Variants in ATP13A1 observed in about 807,000 individuals in gnomAD.
The protein encoded by ATP13A1 is ATPase 13A1.
Under a neutral mutation model 134.8 loss-of-function variants are expected in ATP13A1, and 55 were observed. That is an observed-to-expected ratio of 0.41 (90% CI 0.33 to 0.51). The LOEUF (loss-of-function observed/expected upper bound fraction) is 0.51. Among genes scored for constraint, ATP13A1 ranks in the 20% least tolerant of loss-of-function variants. The probability of loss-of-function intolerance (pLI) is 0.29; values close to 1 mark genes in which losing one functional copy is unlikely to be tolerated. For missense variants in ATP13A1, 1,389 were observed against 1,652.8 expected (o/e 0.84, Z 2.77); for synonymous variants, 775 against 725.1 (o/e 1.07, Z -1.10).
intron 15 of ATP13A1, 47 bp from the exon 16 acceptor site, chr19:19,652,767 C>T: frequency 6.4e-7 from 1 of 1,562,846 alleles, no homozygotes; most frequent in Non-Finnish European, 8.6e-7. Flanking sequence ...TCCCTCTGCC[C>T]ACACTCTGCA....
In ATP13A1 at chr19:19,645,281, G is replaced by A. The variant is rs2061976899; in HGVS notation, c.*141C>T. The A allele has an allele frequency of 1.6e-5, 15 of 922,658 alleles. No homozygotes were observed. The South Asian group carries it at 2.4e-4, about 15-fold the overall frequency. The allele number at this position is 922,658 out of a possible 1,614,324, so 57.2% of individuals were successfully genotyped here. A position where few individuals can be genotyped will look rare whatever the true frequency, so the allele number is the denominator to read the frequency against. On this transcript the variant is annotated 3_prime_UTR_variant, in exon 26 of 26. Transcript: ENST00000357324. This position sits in a 1 kb window ranked among gnomAD's most constrained non-coding sequence, Gnocchi z 4.1. ...GCTGGCCAAGCCAGCGGATGGCTGTGGGGGTCCCAGCTCAGTCTTCCAAGG... is the reference window on the plus strand; with the variant it reads ...GCTGGCCAAGCCAGCGGATGGCTGTAGGGGTCCCAGCTCAGTCTTCCAAGG...
At chr19:19,654,838 G>T in intron 12 of ATP13A1, 138 bp from the exon 13 acceptor site, 1 of 1,078,116 alleles carries the variant, frequency 9.3e-7, no homozygotes, top group Non-Finnish European at 1.3e-6. Context: ...GGGTCTTTAT[G>T]AGACCTGCAC....
At chr19:19,659,875 G>A (rs545050441) in intron 2 of ATP13A1, 23 bp downstream of exon 2, 1 of 1,588,540 alleles carries the variant, frequency 6.3e-7, no homozygotes, top group East Asian at 2.3e-5. Context: ...CCCTCCTCCA[G>A]GAGCCCAGCA....
Position 19,656,823 on chromosome 19 carries a change from G to C in ATP13A1, c.976+24C>G, listed in dbSNP as rs769637132. The stretch of plus-strand genomic sequence containing the variant: ...GGCCCTGAGGCTGGGGCTCCCACTG[G>C]GACTGAGCGGAACCCGGCCTCACCG... On this transcript the variant is annotated intron_variant, in intron 6 of 25. Coordinates refer to ENST00000357324, the MANE Select transcript of ATP13A1 (RefSeq NM_020410.3). The surrounding 1 kb of genome is among the most constrained non-coding windows in gnomAD (Gnocchi z 4.6). 3.0e-5 allele frequency: 49 copies of C among 1,612,102 alleles called. No individual in the cohort carries two copies. Among genetic ancestry groups the C allele is most frequent in the Non-Finnish European group, 4.2e-5 (49 of 1,179,298 alleles).
At position 19,663,316 on chromosome 19, in the gene ATP13A1, C is replaced by G; in HGVS notation, c.351G>C (p.Ser117=). The change falls in exon 1 of 26, where the codon TCG becomes TCC. Residue 117 remains serine (S), a synonymous_variant. Transcript: ENST00000357324. ...ICLAHALTVL[S]GHWSVHAHCA... The stretch of plus-strand genomic sequence containing the variant: ...AATGCGCGTGCACAGACCAATGCCC[C>G]GAGAGGACAGTGAGCGCGTGCGCGA... 6.3e-7 allele frequency: 1 copy of G among 1,591,124 alleles called. No individual in the cohort carries two copies. The highest frequency in any genetic ancestry group is 1.1e-5 in the South Asian group (1 of 87,708).
chr19:19,656,537 C>A lies in ATP13A1; in HGVS notation c.1083+123G>T. On this transcript the variant is annotated intron_variant, in intron 7 of 25. Transcript: ENST00000357324. This position sits in a 1 kb window ranked among gnomAD's most constrained non-coding sequence, Gnocchi z 4.6. ...ACCCGGCTCCCCAGTCCACAGAGCT[C>A]ATCTGTGCCCACACTGCCTCCTCCG... 1 of 1,076,056 alleles carries A rather than the reference C, an allele frequency of 9.3e-7. No individual in the cohort carries two copies. The highest frequency in any genetic ancestry group is 1.5e-5 in the South Asian group (1 of 66,646). 66.7% of individuals were successfully genotyped at this position (1,076,056 alleles called of 1,614,324 possible). A position where few individuals can be genotyped will look rare whatever the true frequency, so the allele number is the denominator to read the frequency against.
In ATP13A1 at chr19:19,656,993, C is replaced by A. The variant is rs1180956158; in HGVS notation, c.906+1G>T. The A allele has an allele frequency of 6.3e-7, 1 of 1,598,376 alleles. No homozygotes were observed. Among genetic ancestry groups the A allele is most frequent in the African/African-American group, 1.3e-5 (1 of 74,630 alleles). On this transcript the variant is annotated splice_donor_variant, in intron 5 of 25. Transcript: ENST00000357324. LOFTEE classifies it high-confidence loss of function. This position sits in a 1 kb window ranked among gnomAD's most constrained non-coding sequence, Gnocchi z 4.6. The stretch of plus-strand genomic sequence containing the variant: ...AACCTGGGTCTCCCTGGCAGCCACA[C>A]CTGGATCATGTGGGGCTTGTTGCCC...
At chr19:19,646,160 T>A in intron 23 of ATP13A1, 45 bp downstream of exon 23, 2 of 1,611,684 alleles carry the variant, frequency 1.2e-6, no homozygotes, top group Non-Finnish European at 1.7e-6. Context: ...ATCCTCCTGC[T>A]ATTCTCAGCT....
rs1206092469 is a variant in ATP13A1, at chr19:19,649,958, G to C, written c.2336-18C>G. ...CTGCCGGCCTGCGGGCAGCACCTAG[G>C]GTTAGGGCTGGGGGCTTGGCTGACC... On this transcript the variant is annotated intron_variant, in intron 17 of 25. Transcript: ENST00000357324. The C allele has an allele frequency of 3.8e-6, 6 of 1,567,892 alleles. No homozygotes were observed. In the South Asian group the frequency reaches 6.8e-5, roughly 18 times the overall value.
At chr19:19,652,741 C>CTGAGG (rs762865426) in intron 15 of ATP13A1, 21 bp from the exon 16 acceptor site, 117 of 1,593,194 alleles carry the variant, frequency 7.3e-5, no homozygotes, top group Non-Finnish European at 9.6e-5. Context: ...ACAGGGGCAC[C>CTGAGG]CTCACCATCT....
chr19:19,652,915 T>C, intron 15 of ATP13A1, 195 bp from the exon 16 acceptor site: 1 of 736,342 alleles, frequency 1.4e-6, no homozygotes, highest in South Asian at 2.0e-5. Flanking sequence ...GATCTGGCAG[T>C]GACTGGGGGG....
chr19:19,651,862 G>A (rs1002309555), intron 16 of ATP13A1, 65 bp from the exon 17 acceptor site: 9 of 1,307,548 alleles, frequency 6.9e-6, no homozygotes, highest in Non-Finnish European at 8.6e-6. Flanking sequence ...CCAGAGACAA[G>A]GCTGCCAAGT....
At chr19:19,648,520 A>G (rs976717641) in intron 19 of ATP13A1, among the ~76,000 whole-genome samples, 1 of 151,072 alleles carries the variant, frequency 6.6e-6, no homozygotes, top group Non-Finnish European at 1.5e-5. Context: ...AAGAAAAAAG[A>G]AAAAAAGGCC....
rs904828945 is a variant in ATP13A1, at chr19:19,656,520, C to T, written c.1083+140G>A. ...CCTTCCTCGCCCCCACCACCCGGCT[C>T]CCCAGTCCACAGAGCTCATCTGTGC... On this transcript the variant is annotated intron_variant, in intron 7 of 25. Coordinates refer to ENST00000357324, the MANE Select transcript of ATP13A1 (RefSeq NM_020410.3). This position sits in a 1 kb window ranked among gnomAD's most constrained non-coding sequence, Gnocchi z 4.6. The T allele has an allele frequency of 4.2e-6, 4 of 955,620 alleles. No individual in the cohort carries two copies. The highest frequency in any genetic ancestry group is 2.3e-5 in the Admixed American group (1 of 42,930). 59.2% of individuals were successfully genotyped at this position (955,620 alleles called of 1,614,324 possible). A position where few individuals can be genotyped will look rare whatever the true frequency, so the allele number is the denominator to read the frequency against.
intron 1 of ATP13A1, among the ~76,000 whole-genome samples, chr19:19,662,879 C>T (rs1014375496): frequency 1.3e-5 from 2 of 152,114 alleles, no homozygotes; most frequent in Admixed American, 1.3e-4. Flanking sequence ...ACTTTGAAAA[C>T]CAAGGTAGGA....
chr19:19,659,983 T>A lies in ATP13A1; in HGVS notation c.401A>T (p.Tyr134Phe), dbSNP rs1187293511. The change falls in exon 2 of 26, where the codon TAC becomes TTC. Residue 134 changes from tyrosine to phenylalanine, a missense_variant. Physicochemically the swap from Tyr to Phe is conservative, Grantham distance 22 (BLOSUM62 3). Around this residue, in one of 4 missense-constraint regions of ATP13A1, gnomAD observed 293 missense variants for 270.8 expected, o/e 1.08. Coordinates refer to ENST00000357324, the MANE Select transcript of ATP13A1 (RefSeq NM_020410.3). The stretch of plus-strand genomic sequence containing the variant: ...CACAAAGGTCGCTTTGCTGGGGTCG[T>A]ACTCCTGACAGAGACAAAGAAAGCA... Reference protein sequence around the residue: ...AHCALTCTPEYDPSKATFVKV... With the variant: ...AHCALTCTPEFDPSKATFVKV... 1.9e-6 allele frequency: 3 copies of A among 1,567,084 alleles called. No individual in the cohort carries two copies. The East Asian group carries it at 7.0e-5, about 37-fold the overall frequency.
At chr19:19,658,149 C>CAAAAAAAAAAAAAA (rs61328844) in intron 3 of ATP13A1, among the ~76,000 whole-genome samples, 1 of 66,298 alleles carries the variant, frequency 1.5e-5, no homozygotes, top group Non-Finnish European at 2.8e-5. Context: ...ACCCTGTCTC[C>CAAAAAAAAAAAAAA]AAAAAAAAAA....
At position 19,649,809 on chromosome 19, in the gene ATP13A1, C is replaced by A. The variant is rs138104866; in HGVS notation, c.2467G>T (p.Asp823Tyr). The change falls in exon 18 of 26, where the codon GAC becomes TAC. Residue 823 changes from aspartate to tyrosine, a missense_variant. By Grantham distance (160) the Asp-to-Tyr change is radical. Transcript: ENST00000357324. ...ATGAGGCGGAGCAGCTGCTGGGGGT[C>A]GGTGGCCTGCAGGTGGGCCAAGCCG... is the stretch of plus-strand genomic sequence containing the variant. Reference protein sequence around the residue: ...GDGLAHLQATDPQQLLRLIPH... With the variant: ...GDGLAHLQATYPQQLLRLIPH... The A allele has an allele frequency of 5.6e-6, 9 of 1,601,758 alleles. No homozygotes were observed. The highest frequency in any genetic ancestry group is 6.8e-6 in the Non-Finnish European group (8 of 1,176,954).
intron 19 of ATP13A1, among the ~76,000 whole-genome samples, chr19:19,648,509 A>G (rs1411279407): frequency 1.3e-5 from 2 of 149,732 alleles, no homozygotes; most frequent in African/African-American, 2.5e-5. Flanking sequence ...AAAAAAAAAA[A>G]AAGAAAAAAG....
Sources: gnomAD v4.1 joint callset for allele counts (sites outside exome capture counted in the v4.1 genomes callset) on GRCh38, gnomAD v4.1.1 for gene constraint, gnomAD v4.1.1 regional missense constraint, Gnocchi (gnomAD v3.1) non-coding constraint, MANE v1.5 for transcripts, NCBI Gene and HGNC (gene_info 2026-07-23, HGNC 2026-07-21) for gene names.